Variants in CCDC171 observed in about 807,000 individuals in gnomAD.
CCDC171 encodes the protein coiled-coil domain-containing protein 171.
In CCDC171, 177 loss-of-function variants were observed where a neutral mutation model predicts 168.2. The observed-to-expected ratio is 1.05, with a 90% CI of 0.93 to 1.19. The LOEUF (loss-of-function observed/expected upper bound fraction) is 1.19. Ranked by LOEUF, CCDC171 falls within the 50% of genes most tolerant of loss-of-function variation. The pLI is 0.00. For synonymous variants in CCDC171, 687 were observed against 540.8 expected, an observed-to-expected ratio of 1.27 and a Z score of -3.75; for missense variants, 1,991 against 1,539.0, an observed-to-expected ratio of 1.29 and a Z score of -4.91.
intron 23 of CCDC171, among the ~76,000 whole-genome samples, chr9:15,849,892 G>A (rs1406465443): frequency 6.6e-6 from 1 of 151,546 alleles, no homozygotes; most frequent in Non-Finnish European, 1.5e-5. Context: ...ATGGGCCCCT[G>A]TATTCTTTTA....
intron 3 of CCDC171, among the ~76,000 whole-genome samples, chr9:15,998,797 G>A (rs1261373790): frequency 1.3e-5 from 2 of 152,128 alleles, no homozygotes; most frequent in African/African-American, 4.8e-5. Flanking sequence ...GGCAATGGAG[G>A]AGAACTCCCT....
At chr9:15,659,987 A>G (rs1259441045) in intron 8 of CCDC171, among the ~76,000 whole-genome samples, 1 of 152,166 alleles carries the variant, frequency 6.6e-6, no homozygotes, top group Non-Finnish European at 1.5e-5. Context: ...TGTCTAAATT[A>G]CTTAATTTAA....
chr9:15,797,281 A>G (rs559688483), intron 21 of CCDC171, among the ~76,000 whole-genome samples: 2 of 152,168 alleles, frequency 1.3e-5, no homozygotes, highest in African/African-American at 2.4e-5. Context: ...CAGTGGCGCT[A>G]TCATGGGTCA....
At chr9:16,096,105 A>G in the CCDC171 span, among the ~76,000 whole-genome samples, 1 of 152,172 alleles carries the variant, frequency 6.6e-6, no homozygotes, top group East Asian at 1.9e-4. Flanking sequence ...ACTTTAGCAA[A>G]TATCAGCGTG....
intron 16 of CCDC171, among the ~76,000 whole-genome samples, chr9:15,730,247 A>C (rs2054071741): frequency 6.6e-6 from 1 of 151,852 alleles, no homozygotes; most frequent in African/African-American, 2.4e-5. Context: ...ATATTATATA[A>C]GGTTATATTA....
rs963082451 is a variant in CCDC171, at chr9:15,835,566, T to C, written c.3268-11136T>C. Among the ~76,000 whole-genome samples, 5 of 152,212 alleles carry C rather than the reference T, an allele frequency of 3.3e-5. No individual in the cohort carries two copies. The South Asian group carries it at 1.0e-3, about 32-fold the overall frequency. ...CCCCAGCTTCCCAGGTAGCTGGGAT[T>C]ACAGGTGTGCGCTACCACACCTGGC... On this transcript the variant is annotated intron_variant, in intron 21 of 25. Coordinates refer to ENST00000380701, the MANE Select transcript of CCDC171 (RefSeq NM_173550.4).
intron 9 of CCDC171, among the ~76,000 whole-genome samples, chr9:15,671,097 C>A (rs578125252): frequency 6.6e-6 from 1 of 151,934 alleles, no homozygotes; most frequent in Non-Finnish European, 1.5e-5. Flanking sequence ...GTCTAAAAAC[C>A]AAAACAAAAC....
intron 24 of CCDC171, among the ~76,000 whole-genome samples, chr9:15,882,271 A>C (rs1298974605): frequency 1.3e-5 from 2 of 152,148 alleles, no homozygotes; most frequent in African/African-American, 4.8e-5. Flanking sequence ...TCTTTTTGCC[A>C]CTTTTAAATT....
intron 6 of CCDC171, among the ~76,000 whole-genome samples, chr9:15,601,182 G>A (rs1406688838): frequency 2.0e-5 from 3 of 152,164 alleles, no homozygotes; most frequent in Non-Finnish European, 4.4e-5. Context: ...GATGAACCCG[G>A]TACCTGAGTT....
At chr9:15,603,138 C>A (rs928616585) in intron 6 of CCDC171, among the ~76,000 whole-genome samples, 7 of 151,820 alleles carry the variant, frequency 4.6e-5, no homozygotes, top group Non-Finnish European at 4.4e-5. Flanking sequence ...CCCGTCACCA[C>A]GCCCAGCTAA....
chr9:15,987,308 A>G (rs527527583), intron 3 of CCDC171, among the ~76,000 whole-genome samples: 5 of 152,296 alleles, frequency 3.3e-5, no homozygotes, highest in South Asian at 2.1e-4. Context: ...TTGAAAAACT[A>G]CCTATTGGGT....
intron 6 of CCDC171, among the ~76,000 whole-genome samples, chr9:15,619,823 C>G (rs2044367958): frequency 6.6e-6 from 1 of 152,134 alleles, no homozygotes; most frequent in Non-Finnish European, 1.5e-5. Context: ...GACAGGATGA[C>G]TCTCTGGTTA....
chr9:15,645,040 G>A (rs561949388), intron 7 of CCDC171, among the ~76,000 whole-genome samples: 19 of 152,316 alleles, frequency 1.2e-4, no homozygotes, highest in African/African-American at 4.1e-4. Flanking sequence ...CCTCTGTGAC[G>A]AAGCTTCCAG....
chr9:15,588,733 A>C (rs1330963484), intron 4 of CCDC171: 2 of 139,538 alleles, frequency 1.4e-5, no homozygotes, highest in African/African-American at 6.1e-5. Context: ...TATGAGACGG[A>C]GTCTCACTCT....
chr9:16,108,179 G>A, the CCDC171 span, among the ~76,000 whole-genome samples: 2 of 152,148 alleles, frequency 1.3e-5, no homozygotes, highest in Non-Finnish European at 2.9e-5. Flanking sequence ...ACTTATGGGA[G>A]GTCAGTGTCA....
chr9:15,701,230 A>T (rs2051709366), intron 11 of CCDC171, among the ~76,000 whole-genome samples: 2 of 152,172 alleles, frequency 1.3e-5, no homozygotes, highest in South Asian at 4.1e-4. Context: ...TGCTGGGCAG[A>T]AGCTATGTAG....
intron 8 of CCDC171, among the ~76,000 whole-genome samples, chr9:16,037,758 G>T (rs1833497898): frequency 6.6e-6 from 1 of 152,088 alleles, no homozygotes; most frequent in Non-Finnish European, 1.5e-5. Flanking sequence ...AACTGGAAGA[G>T]ATTTAATTCC....
chr9:15,788,594 T>G (rs546996936), intron 21 of CCDC171, among the ~76,000 whole-genome samples: 69 of 151,668 alleles, frequency 4.5e-4, no homozygotes, highest in South Asian at 1.2e-3. Context: ...TTTTGTTTTT[T>G]TTTTTTTAAA....
rs371199134 is a variant in CCDC171, at chr9:15,949,429, C to T, written c.3754-22180C>T. ...ACCTTGGGCAGTATGGCCATTTTCA[C>T]GATATTGATTCTTCCTACACATGAG... On this transcript the variant is annotated intron_variant, in intron 25 of 25. Transcript: ENST00000380701. Among the ~76,000 whole-genome samples the T allele has an allele frequency of 3.4e-4, 51 of 152,224 alleles. 1 individual carries two copies. Among genetic ancestry groups the T allele is most frequent in the South Asian group, 2.1e-3 (10 of 4,816 alleles).
Sources: gnomAD v4.1 joint callset for allele counts (sites outside exome capture counted in the v4.1 genomes callset) on GRCh38, gnomAD v4.1.1 for gene constraint, MANE v1.5 for transcripts, NCBI Gene and HGNC (gene_info 2026-07-23, HGNC 2026-07-21) for gene names.